CSMD1: variants seen among roughly 807,000 people sequenced by gnomAD.
CSMD1 encodes the protein CUB and Sushi multiple domains 1.
In CSMD1, 213 loss-of-function variants were observed where a neutral mutation model predicts 417.5. The ratio of observed to expected loss-of-function variants is 0.51; its 90% CI spans 0.46 to 0.57. CSMD1 has a LOEUF of 0.57. Among genes scored for constraint, CSMD1 ranks in the 20% least tolerant of loss-of-function variants. The probability of loss-of-function intolerance (pLI) is 0.00; values close to 1 mark genes in which losing one functional copy is unlikely to be tolerated. For synonymous variants in CSMD1, 2,862 were observed against 1,736.8 expected (o/e 1.65, Z -16.11); for missense variants, 6,923 against 4,529.7 (o/e 1.53, Z -15.17).
intron 52 of CSMD1, among the ~76,000 whole-genome samples, chr8:3,013,213 C>G (rs74625523): frequency 0.027 from 4,052 of 152,248 alleles, 164 homozygotes; most frequent in African/African-American, 0.09. Context: ...CAACCCTGGG[C>G]CTTGTCTTGG....
At chr8:4,312,766 C>A (rs1178974749) in intron 3 of CSMD1, among the ~76,000 whole-genome samples, 1 of 151,924 alleles carries the variant, frequency 6.6e-6, no homozygotes, top group African/African-American at 2.4e-5. Context: ...CCCAGCTACT[C>A]CGGAGGCTGA....
chr8:4,207,315 T>C (rs114797919), intron 3 of CSMD1, among the ~76,000 whole-genome samples: 1,771 of 152,272 alleles, frequency 0.012, 32 homozygotes, highest in African/African-American at 0.037. Flanking sequence ...CGTTAACTTT[T>C]AGTGGCTAGG....
At position 3,936,612 on chromosome 8, in the gene CSMD1, C is replaced by A. The variant is rs147303062; in HGVS notation, c.818+61291G>T. On this transcript the variant is annotated intron_variant, in intron 5 of 69. Transcript: ENST00000635120. ...TGGTTTACTGAATATTTTAAGGCCA[C>A]TGTTGAGACGTACTGCTCAGAAAAA... Among the ~76,000 whole-genome samples, 400 of 152,252 alleles carry A rather than the reference C, an allele frequency of 2.6e-3. 1 individual carries two copies. The highest frequency in any genetic ancestry group is 8.9e-3 in the African/African-American group (371 of 41,552).
chr8:4,625,223 T>G (rs929247602), intron 2 of CSMD1, among the ~76,000 whole-genome samples: 1 of 152,030 alleles, frequency 6.6e-6, no homozygotes, highest in South Asian at 2.1e-4. Flanking sequence ...CGTTCTCACC[T>G]TCCACTGTTT....
chr8:3,464,941 G>C (rs1816713926), intron 12 of CSMD1, among the ~76,000 whole-genome samples: 2 of 152,056 alleles, frequency 1.3e-5, no homozygotes, highest in South Asian at 2.1e-4. Context: ...CCCATAATTT[G>C]CTTAGGGGAA....
chr8:3,918,931 G>C (rs1809022951), intron 5 of CSMD1, among the ~76,000 whole-genome samples: 1 of 129,954 alleles, frequency 7.7e-6, no homozygotes, highest in African/African-American at 2.6e-5. Context: ...GTTCAGTGTG[G>C]GCTGCTCGGG....
At chr8:3,752,782 G>T (rs1328863355) in intron 6 of CSMD1, among the ~76,000 whole-genome samples, 2 of 152,036 alleles carry the variant, frequency 1.3e-5, no homozygotes, top group African/African-American at 2.4e-5. Context: ...CAGGGACTGG[G>T]TGGCAAATAA....
intron 3 of CSMD1, among the ~76,000 whole-genome samples, chr8:4,378,642 G>C (rs1413085125): frequency 6.6e-6 from 1 of 152,140 alleles, no homozygotes; most frequent in Non-Finnish European, 1.5e-5. Flanking sequence ...AAGAATAGGT[G>C]GATAGCAGCT....
chr8:4,283,513 T>C (rs998631598), intron 3 of CSMD1, among the ~76,000 whole-genome samples: 2 of 152,234 alleles, frequency 1.3e-5, no homozygotes. Flanking sequence ...AATCATTTTA[T>C]AGAACTAAGG....
At chr8:4,796,539 C>G (rs1263753013) in intron 1 of CSMD1, among the ~76,000 whole-genome samples, 1 of 151,786 alleles carries the variant, frequency 6.6e-6, no homozygotes, top group Non-Finnish European at 1.5e-5. Context: ...CTCAGACACG[C>G]TCTCAGACTA....
chr8:3,463,519 A>G (rs138657280), intron 12 of CSMD1, among the ~76,000 whole-genome samples: 1 of 152,190 alleles, frequency 6.6e-6, no homozygotes, highest in Admixed American at 6.5e-5. Context: ...AGAAGTCACT[A>G]CTATTCTGGC....
rs560413828 is a variant in CSMD1, at chr8:3,934,519, C to A, written c.818+63384G>T. ...TTGAAGGAAAGGTAATGAGGCCAGA[C>A]CTAAACAAGTGCTGCCTTTATCACT... is the stretch of plus-strand genomic sequence containing the variant. On this transcript the variant is annotated intron_variant, in intron 5 of 69. Coordinates refer to ENST00000635120, the MANE Select transcript of CSMD1 (RefSeq NM_033225.6). Among the ~76,000 whole-genome samples, 3 of 152,058 alleles carry A rather than the reference C, an allele frequency of 2.0e-5. No homozygotes were observed. In the South Asian group the frequency reaches 6.2e-4, roughly 32 times the overall value.
chr8:3,307,600 T>G (rs1804976367), intron 25 of CSMD1, 95 bp downstream of exon 25: 3 of 1,367,786 alleles, frequency 2.2e-6, no homozygotes, highest in Non-Finnish European at 3.0e-6. Context: ...TTCAGAAACT[T>G]TAACCATGGA....
chr8:3,147,159 G>T (rs190377002), intron 40 of CSMD1, among the ~76,000 whole-genome samples: 1 of 152,140 alleles, frequency 6.6e-6, no homozygotes, highest in African/African-American at 2.4e-5. Context: ...AGATACTAGA[G>T]ATACAATCTG....
At chr8:3,240,947 G>A (rs998547024) in intron 26 of CSMD1, among the ~76,000 whole-genome samples, 11 of 151,920 alleles carry the variant, frequency 7.2e-5, no homozygotes, top group African/African-American at 1.9e-4. Flanking sequence ...AAAGCATGCT[G>A]TGGGATGGGA....
intron 2 of CSMD1, among the ~76,000 whole-genome samples, chr8:4,439,365 C>G (rs574113415): frequency 6.6e-5 from 10 of 152,168 alleles, no homozygotes; most frequent in African/African-American, 2.4e-4. Context: ...TGAGATATTA[C>G]TATACAACTT....
rs558991463 is a variant in CSMD1, at chr8:4,506,456, C to T, written c.303-86391G>A. Among the ~76,000 whole-genome samples, 4 of 152,218 alleles carry T rather than the reference C, an allele frequency of 2.6e-5. No homozygotes were observed. In the East Asian group the frequency reaches 5.8e-4, roughly 22 times the overall value. ...GCCCAGCAAACTTCCCACTCCCCTC[C>T]CCTATGCTAAGGGATCTGCAGCCCC... On this transcript the variant is annotated intron_variant, in intron 2 of 69. Coordinates refer to ENST00000635120, the MANE Select transcript of CSMD1 (RefSeq NM_033225.6).
intron 3 of CSMD1, among the ~76,000 whole-genome samples, chr8:4,252,724 C>T (rs536208700): frequency 6.6e-6 from 1 of 152,250 alleles, no homozygotes; most frequent in South Asian, 2.1e-4. Flanking sequence ...ATTGGTTGTA[C>T]AGGAATTATG....
chr8:3,788,012 A>G (rs1347965609), intron 5 of CSMD1, among the ~76,000 whole-genome samples: 1 of 152,212 alleles, frequency 6.6e-6, no homozygotes, highest in Non-Finnish European at 1.5e-5. Context: ...AGAGTAAAAA[A>G]GAGGTGTCTT....
Sources: gnomAD v4.1 joint callset for allele counts (sites outside exome capture counted in the v4.1 genomes callset) on GRCh38, gnomAD v4.1.1 for gene constraint, MANE v1.5 for transcripts, NCBI Gene and HGNC (gene_info 2026-07-23, HGNC 2026-07-21) for gene names.